The following ANKFN1 variants were observed in gnomAD, a reference collection of about 807,000 sequenced individuals.
ANKFN1 encodes ankyrin repeat and fibronectin type-III domain-containing protein 1.
A neutral mutation model predicts 108.7 loss-of-function variants in ANKFN1; 74 were observed. The observed-to-expected ratio is 0.68, with a 90% CI of 0.56 to 0.83. The LOEUF (loss-of-function observed/expected upper bound fraction) is 0.83, where lower values mean the gene tolerates loss of function less well. Among genes scored for constraint, ANKFN1 ranks in the 40% least tolerant of loss-of-function variants. The probability of loss-of-function intolerance (pLI) is 0.00; values close to 1 mark genes in which losing one functional copy is unlikely to be tolerated. For missense variants in ANKFN1, 1,505 were observed against 1,382.3 expected (o/e 1.09, Z -1.41); for synonymous variants, 547 against 516.2 (o/e 1.06, Z -0.81).
At chr17:56,347,617 T>C (rs530015852) in intron 4 of ANKFN1, among the ~76,000 whole-genome samples, 203 of 152,120 alleles carry the variant, frequency 1.3e-3, no homozygotes, top group African/African-American at 4.7e-3. Flanking sequence ...TAATAACAAA[T>C]AACAGAAAGT....
intron 3 of ANKFN1, among the ~76,000 whole-genome samples, chr17:56,277,081 T>C (rs2043954579): frequency 6.6e-6 from 1 of 152,194 alleles, no homozygotes. Flanking sequence ...AATAATGATA[T>C]GAAATATAGA....
chr17:56,102,215 C>A (rs1314563880), intron 4 of ANKFN1, among the ~76,000 whole-genome samples: 3 of 152,176 alleles, frequency 2.0e-5, no homozygotes, highest in Non-Finnish European at 2.9e-5. Flanking sequence ...CAGTCAAAAT[C>A]TGGAGATACT....
intron 1 of ANKFN1, among the ~76,000 whole-genome samples, chr17:56,166,984 A>G (rs1000140054): frequency 6.6e-6 from 1 of 152,028 alleles, no homozygotes; most frequent in African/African-American, 2.4e-5. Context: ...ATCAGCCATC[A>G]CTATATACCC....
At chr17:56,189,770 C>T (rs9901267) in intron 1 of ANKFN1, among the ~76,000 whole-genome samples, 24,358 of 152,070 alleles carry the variant, frequency 0.16, 2,180 homozygotes, top group East Asian at 0.3. Flanking sequence ...ATGATTCAGC[C>T]TACCCCAGCT....
At chr17:56,419,137 T>A (rs1282298018) in intron 8 of ANKFN1, among the ~76,000 whole-genome samples, 1 of 152,200 alleles carries the variant, frequency 6.6e-6, no homozygotes, top group Admixed American at 6.5e-5. Context: ...AGTCAGTGGA[T>A]AGGAGCAGCC....
At chr17:56,159,091 A>G (rs1474542289) in intron 1 of ANKFN1, among the ~76,000 whole-genome samples, 2 of 145,504 alleles carry the variant, frequency 1.4e-5, no homozygotes, top group Non-Finnish European at 3.0e-5. Context: ...GAAGAGGAGG[A>G]GGAGGAAGAA....
At chr17:56,306,386 A>G (rs1472944186) in intron 3 of ANKFN1, among the ~76,000 whole-genome samples, 1 of 152,208 alleles carries the variant, frequency 6.6e-6, no homozygotes, top group African/African-American at 2.4e-5. Context: ...TTAGATTTAC[A>G]TTTAAGATTT....
chr17:56,368,215 A>C, intron 6 of ANKFN1: 1 of 1,301,478 alleles, frequency 7.7e-7, no homozygotes, highest in Non-Finnish European at 1.0e-6. Context: ...AAAAGTCTGA[A>C]ATTTTTTTAT....
At chr17:56,072,434 G>T (rs56225227) in intron 4 of ANKFN1, among the ~76,000 whole-genome samples, 1 of 151,858 alleles carries the variant, frequency 6.6e-6, no homozygotes, top group Admixed American at 6.6e-5. Flanking sequence ...CAGTACTGCC[G>T]CAGCTCAGTT....
chr17:56,081,510 G>C (rs1375889349), intron 4 of ANKFN1, among the ~76,000 whole-genome samples: 1 of 151,844 alleles, frequency 6.6e-6, no homozygotes, highest in African/African-American at 2.4e-5. Context: ...CCGCCACCAC[G>C]CCCAGGTAAT....
chr17:56,186,389 C>G (rs182132213), intron 1 of ANKFN1, among the ~76,000 whole-genome samples: 2 of 151,820 alleles, frequency 1.3e-5, no homozygotes, highest in African/African-American at 2.4e-5. Flanking sequence ...TCCTCAATAA[C>G]GTGAGTTAAG....
At chr17:56,371,080 G>C (rs577307959) in intron 6 of ANKFN1, among the ~76,000 whole-genome samples, 1 of 152,100 alleles carries the variant, frequency 6.6e-6, no homozygotes, top group South Asian at 2.1e-4. Flanking sequence ...GCTGCTCAGT[G>C]AAAGAGTTTT....
At chr17:56,491,225 C>T (rs2051027832) in intron 18 of ANKFN1, among the ~76,000 whole-genome samples, 1 of 152,148 alleles carries the variant, frequency 6.6e-6, no homozygotes, top group African/African-American at 2.4e-5. Flanking sequence ...GTTGTAACAG[C>T]CCTATTTCCA....
intron 4 of ANKFN1, among the ~76,000 whole-genome samples, chr17:56,092,638 T>C (rs958560840): frequency 6.6e-6 from 1 of 151,054 alleles, no homozygotes; most frequent in Non-Finnish European, 1.5e-5. Flanking sequence ...ACAGCACCCA[T>C]TTATTAGCTC....
chr17:56,342,227 C>CTTTT (rs140624562), intron 4 of ANKFN1, among the ~76,000 whole-genome samples: 10 of 145,296 alleles, frequency 6.9e-5, no homozygotes, highest in African/African-American at 2.5e-4. Flanking sequence ...AATGGTTTAT[C>CTTTT]TTTTTTTTTT....
chr17:56,133,633 C>CCAT (rs2143357021), intron 4 of ANKFN1, among the ~76,000 whole-genome samples: 1 of 131,974 alleles, frequency 7.6e-6, no homozygotes, highest in African/African-American at 2.5e-5. Flanking sequence ...GGGCTACATT[C>CCAT]CATCACTCTA....
At chr17:56,115,898 G>A (rs1906237368) in intron 4 of ANKFN1, among the ~76,000 whole-genome samples, 1 of 152,162 alleles carries the variant, frequency 6.6e-6, no homozygotes, top group Non-Finnish European at 1.5e-5. Flanking sequence ...GGAATCAAGG[G>A]TGCACAGTCA....
chr17:56,103,424 G>A (rs1386357374), intron 4 of ANKFN1, among the ~76,000 whole-genome samples: 2 of 152,218 alleles, frequency 1.3e-5, no homozygotes, highest in African/African-American at 4.8e-5. Context: ...TTCTTCTAGA[G>A]AACATCTGCT....
intron 3 of ANKFN1, among the ~76,000 whole-genome samples, chr17:56,308,399 C>T (rs997718757): frequency 6.6e-6 from 1 of 151,976 alleles, no homozygotes; most frequent in Admixed American, 6.5e-5. Context: ...ATGTTCATCT[C>T]GTATCTTGTG....
Sources: allele counts gnomAD v4.1 joint callset (sites outside exome capture counted in the v4.1 genomes callset), GRCh38; gene constraint gnomAD v4.1.1; transcripts MANE v1.5; gene names NCBI Gene and HGNC (gene_info 2026-07-23, HGNC 2026-07-21).